PTCHD4: variants seen among roughly 807,000 people sequenced by gnomAD.
PTCHD4 encodes the protein patched domain containing 4.
A neutral mutation model predicts 58.1 loss-of-function variants in PTCHD4; 33 were observed. That is an observed-to-expected ratio of 0.57 (90% confidence interval 0.43 to 0.76). The LOEUF (loss-of-function observed/expected upper bound fraction) is 0.76, where lower values mean the gene tolerates loss of function less well. Ranked by LOEUF, PTCHD4 falls within the 30% of genes least tolerant of loss-of-function variation. The pLI is 0.00. For missense variants in PTCHD4, 1,058 were observed against 1,027.1 expected, an observed-to-expected ratio of 1.03 and a Z score of -0.41; for synonymous variants, 478 against 409.6, an observed-to-expected ratio of 1.17 and a Z score of -2.02.
intron 4 of PTCHD4, among the ~76,000 whole-genome samples, chr6:47,914,416 G>C (rs1295465513): frequency 6.6e-6 from 1 of 152,038 alleles, no homozygotes; most frequent in Non-Finnish European, 1.5e-5. Context: ...GGAGGTGAGA[G>C]TAGAACAAAA....
chr6:47,929,948 T>A (rs1765754139), intron 4 of PTCHD4, among the ~76,000 whole-genome samples: 1 of 151,914 alleles, frequency 6.6e-6, no homozygotes, highest in Non-Finnish European at 1.5e-5. Flanking sequence ...CTACAGCTTT[T>A]CTACAGCTTC....
chr6:48,104,126 A>T (rs1056339542), intron 1 of PTCHD4, among the ~76,000 whole-genome samples: 2 of 152,186 alleles, frequency 1.3e-5, no homozygotes, highest in African/African-American at 4.8e-5. Context: ...CCTCGAGAAG[A>T]GCAACTCCAA....
Position 47,869,250 on chromosome 6 carries a change from A to T in PTCHD4, c.*9053T>A, listed in dbSNP as rs927056554. The stretch of plus-strand genomic sequence containing the variant: ...TGGTGCTGATAGCCCCTGAACAATT[A>T]TGCCCCAGCTTGAAACTGTATAGCG... On this transcript the variant is annotated 3_prime_UTR_variant, in exon 5 of 5. Coordinates refer to ENST00000339488, the MANE Select transcript of PTCHD4 (RefSeq NM_001384253.1). 4.0e-5 allele frequency among the ~76,000 whole-genome samples: 6 copies of T among 151,720 alleles called. No individual in the cohort carries two copies. Among genetic ancestry groups the T allele is most frequent in the African/African-American group, 1.5e-4 (6 of 41,350 alleles).
chr6:47,909,723 T>C (rs902535932), intron 4 of PTCHD4, among the ~76,000 whole-genome samples: 3 of 152,126 alleles, frequency 2.0e-5, no homozygotes, highest in Non-Finnish European at 4.4e-5. Flanking sequence ...ATTGCAGGTA[T>C]GAGCCACCAT....
At chr6:47,914,944 C>T (rs1038312510) in intron 4 of PTCHD4, among the ~76,000 whole-genome samples, 11 of 152,022 alleles carry the variant, frequency 7.2e-5, no homozygotes, top group Non-Finnish European at 1.6e-4. Context: ...TCATAATGTT[C>T]TTTCTTCTCT....
intron 3 of PTCHD4, among the ~76,000 whole-genome samples, chr6:48,025,779 C>A (rs1763223046): frequency 6.6e-6 from 1 of 152,130 alleles, no homozygotes; most frequent in African/African-American, 2.4e-5. Context: ...ATAACATACA[C>A]ACCCCCAAAA....
At chr6:48,086,318 T>G (rs1387832492) in intron 1 of PTCHD4, among the ~76,000 whole-genome samples, 1 of 152,192 alleles carries the variant, frequency 6.6e-6, no homozygotes, top group Non-Finnish European at 1.5e-5. Context: ...TATTCTTACC[T>G]TGACAATTTA....
At chr6:48,006,325 C>T (rs1762438065) in intron 4 of PTCHD4, among the ~76,000 whole-genome samples, 1 of 152,170 alleles carries the variant, frequency 6.6e-6, no homozygotes, top group Admixed American at 6.5e-5. Flanking sequence ...ACCTCTCGGG[C>T]TTCACAGAGC....
intron 1 of PTCHD4, among the ~76,000 whole-genome samples, chr6:48,070,605 A>C (rs574905213): frequency 6.6e-6 from 1 of 152,208 alleles, no homozygotes; most frequent in Admixed American, 6.5e-5. Flanking sequence ...CTTCTATATT[A>C]TCTCTGGTAG....
chr6:48,086,063 G>A (rs914060636), intron 1 of PTCHD4, among the ~76,000 whole-genome samples: 4 of 151,944 alleles, frequency 2.6e-5, no homozygotes, highest in East Asian at 1.9e-4. Flanking sequence ...CACAGCATCC[G>A]AAATGTTGTA....
At chr6:48,025,187 C>G (rs1763200220) in intron 3 of PTCHD4, among the ~76,000 whole-genome samples, 1 of 152,072 alleles carries the variant, frequency 6.6e-6, no homozygotes, top group Admixed American at 6.6e-5. Context: ...GTGTCTGGTA[C>G]AGTATTAAGA....
chr6:47,889,919 C>T (rs1046196375), intron 4 of PTCHD4, among the ~76,000 whole-genome samples: 5 of 151,942 alleles, frequency 3.3e-5, no homozygotes, highest in Admixed American at 6.6e-5. Context: ...GAACAGGCAG[C>T]CTATAAAATG....
chr6:47,951,305 A>C (rs1197255810), intron 4 of PTCHD4, among the ~76,000 whole-genome samples: 1 of 152,186 alleles, frequency 6.6e-6, no homozygotes, highest in African/African-American at 2.4e-5. Context: ...CCAAAGGGGC[A>C]TTGGGAGAAG....
At chr6:47,968,725 A>G (rs947517962) in intron 4 of PTCHD4, among the ~76,000 whole-genome samples, 6 of 152,158 alleles carry the variant, frequency 3.9e-5, no homozygotes, top group Non-Finnish European at 1.5e-5. Flanking sequence ...GGACAGGAAA[A>G]TATGTCTTGG....
intron 4 of PTCHD4, among the ~76,000 whole-genome samples, chr6:47,927,195 T>C (rs1765653391): frequency 6.6e-6 from 1 of 152,204 alleles, no homozygotes; most frequent in African/African-American, 2.4e-5. Context: ...ATGTGCCCTC[T>C]ATCCCCTACC....
chr6:47,883,639 G>C (rs991051213), intron 4 of PTCHD4, among the ~76,000 whole-genome samples: 2 of 152,082 alleles, frequency 1.3e-5, no homozygotes, highest in Admixed American at 6.6e-5. Context: ...TTTAATAAAA[G>C]TTTTATTTGT....
chr6:47,921,277 C>T (rs1042938196), intron 4 of PTCHD4, among the ~76,000 whole-genome samples: 1 of 152,026 alleles, frequency 6.6e-6, no homozygotes, highest in Admixed American at 6.6e-5. Flanking sequence ...TTGTTTTACG[C>T]TTTTGGTTAA....
At chr6:47,944,524 TA>T (rs1381416193) in intron 4 of PTCHD4, among the ~76,000 whole-genome samples, 1 of 152,068 alleles carries the variant, frequency 6.6e-6, no homozygotes, top group African/African-American at 2.4e-5. Context: ...GACATATAGT[TA>T]AAGCTTTAAC....
intron 3 of PTCHD4, among the ~76,000 whole-genome samples, chr6:48,052,215 A>T (rs1764259173): frequency 6.6e-6 from 1 of 152,042 alleles, no homozygotes; most frequent in African/African-American, 2.4e-5. Flanking sequence ...TTAAAAGTTT[A>T]ATGTTTCAGG....
Sources: gnomAD v4.1 joint callset for allele counts (sites outside exome capture counted in the v4.1 genomes callset) on GRCh38, gnomAD v4.1.1 for gene constraint, MANE v1.5 for transcripts, NCBI Gene and HGNC (gene_info 2026-07-23, HGNC 2026-07-21) for gene names.